KCND2: variants seen among roughly 807,000 people sequenced by gnomAD.
The protein encoded by KCND2 is potassium voltage-gated channel subfamily D member 2.
Under a neutral mutation model 54.4 loss-of-function variants are expected in KCND2, and 16 were observed. That is an observed-to-expected ratio of 0.29 (90% CI 0.20 to 0.45). KCND2 has a LOEUF of 0.45. KCND2 is among the 20% of genes least tolerant of loss of function. The pLI is 1.00. For missense variants in KCND2, 486 were observed against 824.2 expected (o/e 0.59, Z 5.02); for synonymous variants, 317 against 310.7 (o/e 1.02, Z -0.21).
intron 1 of KCND2, among the ~76,000 whole-genome samples, chr7:120,500,618 ACAAAC>A (rs953067592): frequency 7.2e-5 from 11 of 152,006 alleles, no homozygotes; most frequent in Admixed American, 2.6e-4. Context: ...AAAGAAATGA[ACAAAC>A]CAACCAATCC....
chr7:120,324,514 A>G (rs1401044078), intron 1 of KCND2, among the ~76,000 whole-genome samples: 1 of 150,300 alleles, frequency 6.7e-6, no homozygotes, highest in African/African-American at 2.4e-5. Flanking sequence ...AGCTTTCTAC[A>G]TAAGGCTAGC....
chr7:120,460,588 A>C lies in KCND2; in HGVS notation c.1115+184841A>C, dbSNP rs147622130. Among the ~76,000 whole-genome samples the C allele has an allele frequency of 4.2e-3, 630 of 149,230 alleles. 5 individuals carry two copies. Among genetic ancestry groups the C allele is most frequent in the African/African-American group, 0.015 (588 of 40,548 alleles). On this transcript the variant is annotated intron_variant, in intron 1 of 5. Transcript: ENST00000331113. The stretch of plus-strand genomic sequence containing the variant: ...TTTTTTTTTTTTTTTACATTTTAAA[A>C]TTGGAATCTAGAATATAAACCACAG...
At chr7:120,683,112 T>TATCTCATGA (rs1368626955) in intron 1 of KCND2, among the ~76,000 whole-genome samples, 1 of 152,178 alleles carries the variant, frequency 6.6e-6, no homozygotes, top group Non-Finnish European at 1.5e-5. Context: ...TATATTGATT[T>TATCTCATGA]ATCTCATGAA....
At chr7:120,701,516 C>G (rs919865842) in intron 1 of KCND2, among the ~76,000 whole-genome samples, 2 of 152,050 alleles carry the variant, frequency 1.3e-5, no homozygotes, top group Non-Finnish European at 2.9e-5. Flanking sequence ...GCAAAAATAA[C>G]AAAGCTGGAG....
chr7:120,702,602 A>G (rs779513001), intron 1 of KCND2, among the ~76,000 whole-genome samples: 162 of 152,354 alleles, frequency 1.1e-3, no homozygotes, highest in Non-Finnish European at 1.2e-3. Context: ...ATGGAATACT[A>G]TGCAGCCATA....
At chr7:120,733,186 G>T (rs1426519829) in intron 2 of KCND2, 121 bp downstream of exon 2, 1 of 920,568 alleles carries the variant, frequency 1.1e-6, no homozygotes, top group East Asian at 2.6e-5. Flanking sequence ...AATCAGGACC[G>T]AGTAGGTTAT....
At chr7:120,479,056 T>G (rs1389798653) in intron 1 of KCND2, among the ~76,000 whole-genome samples, 1 of 152,096 alleles carries the variant, frequency 6.6e-6, no homozygotes, top group Non-Finnish European at 1.5e-5. Flanking sequence ...TTGAAATAAA[T>G]GTATTGAAAT....
intron 1 of KCND2, among the ~76,000 whole-genome samples, chr7:120,523,295 A>C (rs1791722742): frequency 6.6e-6 from 1 of 152,160 alleles, no homozygotes; most frequent in Admixed American, 6.6e-5. Context: ...GCAAAAATAC[A>C]TGGAAACAAA....
At chr7:120,530,552 C>A (rs150795114) in intron 1 of KCND2, among the ~76,000 whole-genome samples, 57 of 152,256 alleles carry the variant, frequency 3.7e-4, no homozygotes, top group African/African-American at 1.1e-3. Flanking sequence ...TCTCGGGTAG[C>A]TCATGAATAT....
chr7:120,288,174 G>A (rs957523829), intron 1 of KCND2, among the ~76,000 whole-genome samples: 1 of 151,998 alleles, frequency 6.6e-6, no homozygotes, highest in Non-Finnish European at 1.5e-5. Flanking sequence ...GAAGATAATC[G>A]ACCAATTGGT....
chr7:120,476,390 G>A (rs9641639), intron 1 of KCND2, among the ~76,000 whole-genome samples: 10,165 of 152,190 alleles, frequency 0.067, 873 homozygotes, highest in East Asian at 0.45. Flanking sequence ...TTTTTGTTCA[G>A]TATCATAACT....
chr7:120,607,619 A>G (rs932162234), intron 1 of KCND2, among the ~76,000 whole-genome samples: 11 of 152,270 alleles, frequency 7.2e-5, no homozygotes, highest in Middle Eastern at 3.4e-3. Context: ...ATAAATACAG[A>G]TTATTCCCAA....
At chr7:120,707,106 A>G (rs1231656677) in intron 1 of KCND2, among the ~76,000 whole-genome samples, 3 of 152,120 alleles carry the variant, frequency 2.0e-5, no homozygotes, top group South Asian at 2.1e-4. Context: ...TATCAATTCT[A>G]TGACTATCAG....
chr7:120,333,011 G>T (rs1183078274), intron 1 of KCND2, among the ~76,000 whole-genome samples: 1 of 152,084 alleles, frequency 6.6e-6, no homozygotes, highest in Non-Finnish European at 1.5e-5. Flanking sequence ...CAGAGCTGTT[G>T]TGAGTAGTCT....
At chr7:120,293,990 A>G (rs555792730) in intron 1 of KCND2, among the ~76,000 whole-genome samples, 1 of 152,044 alleles carries the variant, frequency 6.6e-6, no homozygotes. Context: ...CTCTTGAAGT[A>G]TATTTAGAGA....
chr7:120,741,791 C>G (rs1792944732), intron 3 of KCND2, among the ~76,000 whole-genome samples, 162 bp downstream of exon 3: 1 of 151,942 alleles, frequency 6.6e-6, no homozygotes, highest in East Asian at 1.9e-4. Context: ...CCCTGTACAT[C>G]CTTGTTGGCT....
chr7:120,364,560 T>C (rs1299371572), intron 1 of KCND2, among the ~76,000 whole-genome samples: 1 of 152,106 alleles, frequency 6.6e-6, no homozygotes, highest in Non-Finnish European at 1.5e-5. Context: ...TGCAAGGTTT[T>C]GCAATGGGGG....
intron 4 of KCND2, 42 bp from the exon 5 acceptor site, chr7:120,745,738 T>C: frequency 1.2e-6 from 2 of 1,611,326 alleles, no homozygotes; most frequent in South Asian, 1.1e-5. Flanking sequence ...TTTTTAAAAA[T>C]GTGCTTCTCT....
chr7:120,648,386 A>G (rs902421000), intron 1 of KCND2, among the ~76,000 whole-genome samples: 18 of 152,174 alleles, frequency 1.2e-4, no homozygotes, highest in Non-Finnish European at 1.9e-4. Context: ...GTGGAGTAGT[A>G]GGTGGAAGAG....
Sources: gnomAD v4.1 joint callset for allele counts (sites outside exome capture counted in the v4.1 genomes callset) on GRCh38, gnomAD v4.1.1 for gene constraint, MANE v1.5 for transcripts, NCBI Gene and HGNC (gene_info 2026-07-23, HGNC 2026-07-21) for gene names.